The following CFAP251 variants were observed in gnomAD, a reference collection of about 807,000 sequenced individuals.
The protein encoded by CFAP251 is cilia- and flagella-associated protein 251.
In CFAP251, 93 loss-of-function variants were observed where a neutral mutation model predicts 126.7. The ratio of observed to expected loss-of-function variants is 0.73; its 90% CI spans 0.62 to 0.87. CFAP251 has a LOEUF of 0.87. CFAP251 is among the 40% of genes least tolerant of loss of function. CFAP251 has a pLI of 0.00. For missense variants in CFAP251, 1,287 were observed against 1,389.2 expected (o/e 0.93, Z 1.17); for synonymous variants, 503 against 506.9 (o/e 0.99, Z 0.10).
At chr12:121,956,945 C>A in intron 10 of CFAP251, 129 bp from the exon 11 acceptor site, 3 of 627,804 alleles carry the variant, frequency 4.8e-6, no homozygotes, top group Non-Finnish European at 7.5e-6. Flanking sequence ...TAAAATCATT[C>A]TCGTTGGGAG....
intron 3 of CFAP251, among the ~76,000 whole-genome samples, chr12:121,926,021 ATTTTTTTTTTTT>A (rs35760212): frequency 1.0e-5 from 1 of 97,512 alleles, no homozygotes; most frequent in Non-Finnish European, 2.0e-5. Flanking sequence ...ATTTTTTGTA[ATTTTTTTTTTTT>A]TTTTTTTTTT....
chr12:121,931,366 G>A (rs1413092307), intron 3 of CFAP251, among the ~76,000 whole-genome samples: 7 of 151,970 alleles, frequency 4.6e-5, no homozygotes, highest in African/African-American at 1.7e-4. Flanking sequence ...GGGCTGGAGT[G>A]CGATGGCGCG....
rs747905178 is a variant in CFAP251 at position 121,968,074 on chromosome 12, C to T, written c.2676C>T (p.Asn892=). 94 of 1,613,500 alleles carry T rather than the reference C, an allele frequency of 5.8e-5. No individual in the cohort carries two copies. The highest frequency in any genetic ancestry group is 1.6e-4 in the Middle Eastern group (1 of 6,080). ...CATCTGCTATTGTTTGCCACCCGAA[C>T]GGGGTGGCCGGCATGGCCGTTTCCT... is the stretch of plus-strand genomic sequence containing the variant. ...HKTSAIVCHP[N]GVAGMAVSYD... is the part of the protein sequence containing the mutation. The change falls in exon 17 of 22, where the codon AAC becomes AAT. Residue 892 remains asparagine, a synonymous_variant. Coordinates refer to ENST00000288912, the MANE Select transcript of CFAP251 (RefSeq NM_144668.6).
At chr12:121,973,384 C>T (rs914704561) in intron 17 of CFAP251, among the ~76,000 whole-genome samples, 1 of 152,224 alleles carries the variant, frequency 6.6e-6, no homozygotes, top group Non-Finnish European at 1.5e-5. Flanking sequence ...AGCACCTCTG[C>T]TAGAGCAGTG....
At chr12:121,941,330 CTTTTT>C (rs68005842) in intron 5 of CFAP251, among the ~76,000 whole-genome samples, 3 of 87,696 alleles carry the variant, frequency 3.4e-5, no homozygotes, top group African/African-American at 1.6e-4. Flanking sequence ...CCATGCTGGC[CTTTTT>C]TTTTTTTTTT....
intron 17 of CFAP251, chr12:121,968,961 A>T: frequency 1.0e-6 from 1 of 985,282 alleles, no homozygotes; most frequent in South Asian, 4.7e-5. Context: ...CATCTACCCA[A>T]ATCCGGCATG....
intron 19 of CFAP251, among the ~76,000 whole-genome samples, chr12:121,982,655 G>A (rs913483305): frequency 6.6e-6 from 1 of 152,144 alleles, no homozygotes; most frequent in Non-Finnish European, 1.5e-5. Flanking sequence ...TGGGATTACA[G>A]GTGTGAGCCA....
At chr12:121,935,920 T>C (rs183515006) in intron 5 of CFAP251, among the ~76,000 whole-genome samples, 6 of 152,342 alleles carry the variant, frequency 3.9e-5, no homozygotes, top group Admixed American at 2.0e-4. Context: ...CATCCGGTAT[T>C]GCCTTTCTTC....
chr12:122,003,623 A>G (rs2135823233), intron 21 of CFAP251, 29 bp from the exon 22 acceptor site: 1 of 1,551,138 alleles, frequency 6.4e-7, no homozygotes, highest in Middle Eastern at 1.7e-4. Context: ...TCATGAAGGC[A>G]TTTGGTGTTC....
intron 8 of CFAP251, 191 bp from the exon 9 acceptor site, chr12:121,951,289 A>G (rs1213882744): frequency 2.3e-6 from 1 of 440,698 alleles, no homozygotes; most frequent in Non-Finnish European, 4.1e-6. Flanking sequence ...GGCATTTTTT[A>G]TATTTTTTAT....
Position 121,967,162 on chromosome 12 carries a change from G to A in CFAP251, c.2607+93G>A, listed in dbSNP as rs556635287. 3.2e-6 allele frequency: 4 copies of A among 1,238,670 alleles called. No individual in the cohort carries two copies. The East Asian group carries it at 9.7e-5, about 30-fold the overall frequency. The allele number at this position is 1,238,670 out of a possible 1,614,324, so 76.7% of individuals were successfully genotyped here. ...AGATCACGAGACTCAGAGAGTTCTG[G>A]GTTTACAGCCAAGCCCAACTGCTTC... On this transcript the variant is annotated intron_variant, in intron 16 of 21. Transcript: ENST00000288912.
At chr12:121,919,246 T>G (rs1402994605) in intron 1 of CFAP251, among the ~76,000 whole-genome samples, 1 of 152,124 alleles carries the variant, frequency 6.6e-6, no homozygotes, top group East Asian at 1.9e-4. Flanking sequence ...CTCTGGGACT[T>G]TATTTTCAAA....
chr12:121,923,294 G>A (rs562652808), intron 2 of CFAP251, among the ~76,000 whole-genome samples: 2 of 150,922 alleles, frequency 1.3e-5, no homozygotes, highest in African/African-American at 2.4e-5. Context: ...AGTAGCTGGG[G>A]CTACAGGCAT....
intron 7 of CFAP251, among the ~76,000 whole-genome samples, chr12:121,945,236 T>C (rs1194387541): frequency 6.6e-6 from 1 of 152,220 alleles, no homozygotes; most frequent in African/African-American, 2.4e-5. Context: ...CTGCATTATC[T>C]GGCCCGCTGG....
At chr12:121,951,661 T>A (rs1021497349) in intron 9 of CFAP251, 131 bp downstream of exon 9, 2 of 604,150 alleles carry the variant, frequency 3.3e-6, no homozygotes, top group Non-Finnish European at 5.9e-6. Context: ...TTGAAAAATT[T>A]TACTTGGGTC....
intron 19 of CFAP251, among the ~76,000 whole-genome samples, chr12:121,977,396 C>T (rs1047225410): frequency 3.9e-5 from 6 of 152,178 alleles, no homozygotes; most frequent in East Asian, 1.9e-4. Flanking sequence ...CAGTGGCTCA[C>T]GCCTGTAATC....
At chr12:121,968,694 G>A (rs2135793615) in intron 17 of CFAP251, among the ~76,000 whole-genome samples, 1 of 152,254 alleles carries the variant, frequency 6.6e-6, no homozygotes, top group South Asian at 2.1e-4. Flanking sequence ...CCTAGGGCAA[G>A]CTTCTTAACG....
intron 19 of CFAP251, among the ~76,000 whole-genome samples, chr12:121,980,898 C>T (rs534606402): frequency 2.0e-5 from 3 of 152,308 alleles, no homozygotes; most frequent in African/African-American, 4.8e-5. Flanking sequence ...GCCTCCTTGG[C>T]GAGCCATCCC....
intron 5 of CFAP251, among the ~76,000 whole-genome samples, chr12:121,936,594 G>A (rs144062595): frequency 2.6e-5 from 4 of 152,290 alleles, no homozygotes; most frequent in African/African-American, 4.8e-5. Flanking sequence ...TGTGACAGCC[G>A]TCAAGCAGGA....
Sources: gnomAD v4.1 joint callset for allele counts (sites outside exome capture counted in the v4.1 genomes callset) on GRCh38, gnomAD v4.1.1 for gene constraint, MANE v1.5 for transcripts, NCBI Gene and HGNC (gene_info 2026-07-23, HGNC 2026-07-21) for gene names.